TRAPPC9: variants seen among roughly 807,000 people sequenced by gnomAD.
TRAPPC9 encodes IKK2 binding protein.
A neutral mutation model predicts 124.0 loss-of-function variants in TRAPPC9; 83 were observed. The observed-to-expected ratio is 0.67, with a 90% CI of 0.56 to 0.80. The LOEUF (loss-of-function observed/expected upper bound fraction) is 0.80. Ranked by LOEUF, TRAPPC9 falls within the 30% of genes least tolerant of loss-of-function variation. The pLI is 0.00. For missense variants in TRAPPC9, 1,302 were observed against 1,508.3 expected, an observed-to-expected ratio of 0.86 and a Z score of 2.27; for synonymous variants, 638 against 617.5, an observed-to-expected ratio of 1.03 and a Z score of -0.49.
chr8:139,806,828 G>A (rs1281632336), intron 21 of TRAPPC9, among the ~76,000 whole-genome samples: 2 of 152,242 alleles, frequency 1.3e-5, no homozygotes, highest in African/African-American at 4.8e-5. Context: ...TCATGATGGG[G>A]AGAGAGAGGC....
chr8:140,397,775 A>AAAAAAGAGT, intron 6 of TRAPPC9, 30 bp from the exon 7 acceptor site: 1 of 1,612,334 alleles, frequency 6.2e-7, no homozygotes, highest in Non-Finnish European at 8.5e-7. Flanking sequence ...TGCCTCAGTC[A>AAAAAAGAGT]AAAAAGAGTT....
intron 11 of TRAPPC9, among the ~76,000 whole-genome samples, chr8:140,292,759 A>G (rs1189172312): frequency 6.7e-6 from 1 of 149,004 alleles, no homozygotes; most frequent in Non-Finnish European, 1.5e-5. Context: ...AACCATAAAA[A>G]CCCTAGAAGA....
intron 16 of TRAPPC9, among the ~76,000 whole-genome samples, chr8:140,223,863 T>C (rs376394792): frequency 3.7e-4 from 56 of 152,346 alleles, no homozygotes; most frequent in African/African-American, 1.3e-3. Context: ...TTAAGCAATT[T>C]TCTACTTAGA....
intron 17 of TRAPPC9, among the ~76,000 whole-genome samples, chr8:140,184,946 G>A (rs923239312): frequency 6.6e-6 from 1 of 152,060 alleles, no homozygotes; most frequent in Admixed American, 6.5e-5. Flanking sequence ...CAACATTTTA[G>A]ATTTGCAAAG....
chr8:140,175,929 G>A (rs149631506), intron 17 of TRAPPC9, among the ~76,000 whole-genome samples: 44 of 152,366 alleles, frequency 2.9e-4, no homozygotes, highest in African/African-American at 9.1e-4. Context: ...GGCAGTGAAT[G>A]TGCATGCCAG....
intron 9 of TRAPPC9, among the ~76,000 whole-genome samples, chr8:140,351,224 C>T (rs2067564195): frequency 6.6e-6 from 1 of 151,516 alleles, no homozygotes; most frequent in Non-Finnish European, 1.5e-5. Flanking sequence ...CTCCCCGCAC[C>T]CCTCCAGCCC....
intron 21 of TRAPPC9, among the ~76,000 whole-genome samples, chr8:139,795,070 C>G (rs1822954764): frequency 6.6e-6 from 1 of 152,152 alleles, no homozygotes; most frequent in Non-Finnish European, 1.5e-5. Flanking sequence ...TCTCAACTCC[C>G]CAAGAAAAAA....
intron 16 of TRAPPC9, among the ~76,000 whole-genome samples, chr8:140,250,890 T>G (rs771535091): frequency 4.6e-5 from 7 of 152,176 alleles, no homozygotes; most frequent in Non-Finnish European, 7.4e-5. Context: ...GGTTTTGTTT[T>G]AAAAGATAGA....
intron 9 of TRAPPC9, among the ~76,000 whole-genome samples, chr8:140,320,666 A>T (rs1352467298): frequency 6.6e-6 from 1 of 152,188 alleles, no homozygotes; most frequent in Non-Finnish European, 1.5e-5. Context: ...CCTTCTTACA[A>T]AAGAGGCTTG....
At chr8:139,888,331 C>A (rs1431335953) in intron 20 of TRAPPC9, among the ~76,000 whole-genome samples, 1 of 152,226 alleles carries the variant, frequency 6.6e-6, no homozygotes, top group African/African-American at 2.4e-5. Context: ...CACGAATGAG[C>A]TTTGGTTAAT....
At chr8:140,128,154 T>C (rs1390474868) in intron 17 of TRAPPC9, among the ~76,000 whole-genome samples, 1 of 152,276 alleles carries the variant, frequency 6.6e-6, no homozygotes, top group East Asian at 1.9e-4. Flanking sequence ...AACAAATGTT[T>C]ATCTTACTTT....
At chr8:140,440,550 C>T (rs555710186) in intron 2 of TRAPPC9, among the ~76,000 whole-genome samples, 153 of 152,046 alleles carry the variant, frequency 1.0e-3, no homozygotes, top group Admixed American at 1.6e-3. Flanking sequence ...CTCTTCCCAT[C>T]CCAACAGCAG....
chr8:139,839,227 C>T (rs759043183), intron 21 of TRAPPC9, among the ~76,000 whole-genome samples: 32 of 152,238 alleles, frequency 2.1e-4, no homozygotes, highest in Non-Finnish European at 3.7e-4. Context: ...GCACCTGCCA[C>T]GCTAGACACT....
chr8:140,015,453 G>A (rs1229628725), intron 18 of TRAPPC9, among the ~76,000 whole-genome samples: 1 of 152,162 alleles, frequency 6.6e-6, no homozygotes, highest in Admixed American at 6.5e-5. Context: ...AAACTGCAAA[G>A]GCCAAGAGCC....
In TRAPPC9 at chr8:140,215,602, C is replaced by A. The variant is rs562796132; in HGVS notation, c.2556+5857G>T. On this transcript the variant is annotated intron_variant, in intron 17 of 22. Transcript: ENST00000438773. ...CAGAGGTTGCAGTGAGCCAAGATCA[C>A]GCCACTGCTCTCCAGCCTGAGCGAC... Among the ~76,000 whole-genome samples the A allele has an allele frequency of 2.2e-4, 34 of 151,370 alleles. 1 individual carries two copies. The South Asian group carries it at 2.9e-3, about 13-fold the overall frequency.
intron 19 of TRAPPC9, among the ~76,000 whole-genome samples, chr8:139,964,244 A>AAG (rs1835548641): frequency 7.2e-6 from 1 of 138,028 alleles, no homozygotes; most frequent in Non-Finnish European, 1.6e-5. Flanking sequence ...AAAAAAAAAA[A>AAG]AGCGGGGGAG....
chr8:139,959,299 C>T (rs1203694110), intron 19 of TRAPPC9, among the ~76,000 whole-genome samples: 5 of 152,260 alleles, frequency 3.3e-5, no homozygotes, highest in African/African-American at 9.6e-5. Context: ...GGGCTTGAAA[C>T]GCCAACTTCA....
intron 2 of TRAPPC9, among the ~76,000 whole-genome samples, chr8:140,448,470 A>C (rs943043131): frequency 1.3e-5 from 2 of 152,228 alleles, no homozygotes; most frequent in African/African-American, 2.4e-5. Flanking sequence ...TCAGATTTCA[A>C]AAGGCAAAAA....
At position 140,331,729 on chromosome 8, in the gene TRAPPC9, T is replaced by C. The variant is rs564234352; in HGVS notation, c.1496-20355A>G. 9.2e-4 allele frequency among the ~76,000 whole-genome samples: 140 copies of C among 152,170 alleles called. 1 individual carries two copies. The highest frequency in any genetic ancestry group is 1.7e-3 in the Non-Finnish European group (114 of 68,000). On this transcript the variant is annotated intron_variant, in intron 9 of 22. Coordinates refer to ENST00000438773, the MANE Select transcript of TRAPPC9 (RefSeq NM_001160372.4). ...AATGGCTAACAGGTATATGAAACAA[T>C]GCTCATCACTAATCATCAGGGAAAT...
Sources: allele counts gnomAD v4.1 joint callset (sites outside exome capture counted in the v4.1 genomes callset), GRCh38; gene constraint gnomAD v4.1.1; transcripts MANE v1.5; gene names NCBI Gene and HGNC (gene_info 2026-07-23, HGNC 2026-07-21).